Variants in DMXL1 observed in about 807,000 individuals in gnomAD.
DMXL1 encodes the protein Dmx like 1.
Under a neutral mutation model 319.2 loss-of-function variants are expected in DMXL1, and 99 were observed. The observed-to-expected ratio is 0.31, with a 90% CI of 0.26 to 0.37. DMXL1 has a LOEUF of 0.37. Ranked by LOEUF, DMXL1 falls within the 10% of genes least tolerant of loss-of-function variation. The pLI, the probability that DMXL1 is intolerant of heterozygous loss-of-function variation, is 1.00. For missense variants in DMXL1, 3,745 were observed against 3,595.6 expected (o/e 1.04, Z -1.06); for synonymous variants, 1,385 against 1,235.2 (o/e 1.12, Z -2.54).
intron 1 of DMXL1, among the ~76,000 whole-genome samples, chr5:119,096,289 G>C (rs1047706085): frequency 2.0e-5 from 3 of 151,456 alleles, no homozygotes; most frequent in African/African-American, 7.3e-5. Context: ...CGATTCTCCT[G>C]CCTCAGCCTC....
chr5:119,183,934 A>AT (rs1777228292), intron 28 of DMXL1, among the ~76,000 whole-genome samples: 1 of 152,182 alleles, frequency 6.6e-6, no homozygotes, highest in South Asian at 2.1e-4. Flanking sequence ...GCATGTATAG[A>AT]TTTTTACATG....
intron 32 of DMXL1, 146 bp from the exon 33 acceptor site, chr5:119,203,173 G>T: frequency 2.0e-6 from 1 of 498,702 alleles, no homozygotes; most frequent in Non-Finnish European, 3.6e-6. Context: ...AATCCTTTAA[G>T]GAAAAGGTTG....
intron 23 of DMXL1, among the ~76,000 whole-genome samples, chr5:119,168,748 C>T (rs1323731400): frequency 6.6e-6 from 1 of 151,888 alleles, no homozygotes; most frequent in African/African-American, 2.4e-5. Context: ...GACACAGTAT[C>T]TTGCTTTGTT....
chr5:119,246,402 A>G (rs968509691), intron 43 of DMXL1, among the ~76,000 whole-genome samples: 6 of 152,140 alleles, frequency 3.9e-5, no homozygotes, highest in Non-Finnish European at 7.4e-5. Context: ...AAGTTTCTGT[A>G]GCATTGTACA....
intron 10 of DMXL1, chr5:119,132,795 A>C: frequency 1.8e-6 from 1 of 552,556 alleles, no homozygotes; most frequent in East Asian, 4.8e-5. Context: ...ACTACTTGGT[A>C]GGTGTTATGG....
chr5:119,120,917 A>G (rs1761899070), intron 8 of DMXL1, 54 bp from the exon 9 acceptor site: 3 of 1,422,712 alleles, frequency 2.1e-6, no homozygotes, highest in African/African-American at 1.4e-5. Context: ...TATATAACCT[A>G]TACGTGTATG....
At chr5:119,245,847 T>A (rs1327390636) in intron 43 of DMXL1, among the ~76,000 whole-genome samples, 1 of 151,972 alleles carries the variant, frequency 6.6e-6, no homozygotes, top group Non-Finnish European at 1.5e-5. Context: ...TGGCCTAGAT[T>A]GGTTCTTTAG....
chr5:119,095,204 G>C (rs1025009130), intron 1 of DMXL1, among the ~76,000 whole-genome samples: 3 of 152,184 alleles, frequency 2.0e-5, no homozygotes, highest in Non-Finnish European at 4.4e-5. Context: ...TACGGAGACA[G>C]CTTTGTTAAC....
At chr5:119,110,818 A>G (rs938358980) in intron 5 of DMXL1, among the ~76,000 whole-genome samples, 2 of 152,200 alleles carry the variant, frequency 1.3e-5, no homozygotes, top group African/African-American at 4.8e-5. Flanking sequence ...GAACAGACAG[A>G]TTAGGATCCA....
intron 28 of DMXL1, among the ~76,000 whole-genome samples, chr5:119,189,097 T>TA (rs1266397488): frequency 6.6e-6 from 1 of 152,094 alleles, no homozygotes; most frequent in African/African-American, 2.4e-5. Flanking sequence ...GGTAATATAC[T>TA]AAAAAAATAC....
chr5:119,071,767 G>T, intron 1 of DMXL1, 111 bp downstream of exon 1: 1 of 996,842 alleles, frequency 1.0e-6, no homozygotes, highest in East Asian at 2.7e-5. Context: ...CTCCCCAGGG[G>T]GGTCCTTACC....
At chr5:119,125,707 G>A (rs1763387932) in intron 9 of DMXL1, among the ~76,000 whole-genome samples, 1 of 151,958 alleles carries the variant, frequency 6.6e-6, no homozygotes, top group South Asian at 2.1e-4. Flanking sequence ...TGGGACTACA[G>A]ACGCCCGCCA....
At chr5:119,246,950 GTCA>G (rs1221808909) in intron 43 of DMXL1, 42 bp from the exon 44 acceptor site, 1 of 1,437,372 alleles carries the variant, frequency 7.0e-7, no homozygotes, top group Admixed American at 1.9e-5. Flanking sequence ...ATTTCTTAAG[GTCA>G]TCATCAACCC....
chr5:119,220,107 G>GC (rs1466934116), intron 35 of DMXL1, among the ~76,000 whole-genome samples: 1 of 149,408 alleles, frequency 6.7e-6, no homozygotes, highest in Non-Finnish European at 1.5e-5. Flanking sequence ...GTTCCTTATT[G>GC]CCCTCACCTT....
chr5:119,087,416 T>G (rs543365330), intron 1 of DMXL1, among the ~76,000 whole-genome samples: 3 of 152,212 alleles, frequency 2.0e-5, no homozygotes, highest in Non-Finnish European at 4.4e-5. Flanking sequence ...ATTTCCTTCT[T>G]AATTTTGTTA....
At chr5:119,141,674 C>T (rs1767377114) in intron 13 of DMXL1, among the ~76,000 whole-genome samples, 2 of 152,134 alleles carry the variant, frequency 1.3e-5, no homozygotes, top group African/African-American at 4.8e-5. Flanking sequence ...AATGACCATA[C>T]TGCCCAAAGT....
At chr5:119,155,104 G>C (rs1045055376) in intron 19 of DMXL1, among the ~76,000 whole-genome samples, 3 of 152,212 alleles carry the variant, frequency 2.0e-5, no homozygotes, top group Non-Finnish European at 4.4e-5. Flanking sequence ...ACAGTGACCT[G>C]TTCACGCAAG....
intron 19 of DMXL1, among the ~76,000 whole-genome samples, chr5:119,153,847 A>T (rs1025890758): frequency 1.3e-5 from 2 of 152,222 alleles, no homozygotes; most frequent in African/African-American, 2.4e-5. Context: ...AGTTTTTACA[A>T]ATTGAAGCTT....
intron 28 of DMXL1, among the ~76,000 whole-genome samples, chr5:119,180,072 G>T: frequency 2.0e-5 from 3 of 152,250 alleles, no homozygotes; most frequent in Middle Eastern, 6.8e-3. Flanking sequence ...TTATTTGTTG[G>T]ATTGCAATTT....
Sources: gnomAD v4.1 joint callset for allele counts (sites outside exome capture counted in the v4.1 genomes callset) on GRCh38, gnomAD v4.1.1 for gene constraint, MANE v1.5 for transcripts, NCBI Gene and HGNC (gene_info 2026-07-23, HGNC 2026-07-21) for gene names.